The following CYREN variants were observed in gnomAD, a reference collection of about 807,000 sequenced individuals.
The protein encoded by CYREN is cell cycle regulator of NHEJ.
In CYREN, 7 loss-of-function variants were observed where a neutral mutation model predicts 9.7. That is an observed-to-expected ratio of 0.72 (90% CI 0.41 to 1.36). The LOEUF is 1.36. CYREN is among the 40% of genes most tolerant of loss of function. CYREN has a pLI of 0.01. For missense variants in CYREN, 215 were observed against 198.1 expected, an observed-to-expected ratio of 1.09 and a Z score of -0.51; for synonymous variants, 76 against 77.9, an observed-to-expected ratio of 0.98 and a Z score of 0.13.
rs566300687 is a variant in CYREN at position 135,128,955 on chromosome 7, A to G, written n.357-34373T>C. 3.8e-6 allele frequency: 6 copies of G among 1,574,748 alleles called. No individual in the cohort carries two copies. In the Admixed American group the frequency reaches 5.0e-5, roughly 13 times the overall value. On this transcript the variant is annotated intron_variant and non_coding_transcript_variant, in intron 2 of 2. Transcript: ENST00000459937. ...TATCTGTTTCTGTAAGAAGCTGGGT[A>G]GTGAATGCATGTACTTCTTGGAGTG...
At chr7:135,125,413 C>CA (rs944038632) in intron 2 of CYREN, among the ~76,000 whole-genome samples, 24 of 151,502 alleles carry the variant, frequency 1.6e-4, no homozygotes, top group African/African-American at 5.1e-4. Flanking sequence ...GCCTACCAAG[C>CA]AAAAAAAAGC....
At chr7:135,135,374 C>T (rs899585620) in intron 2 of CYREN, 2 of 869,570 alleles carry the variant, frequency 2.3e-6, no homozygotes, top group African/African-American at 1.7e-5. Context: ...TCCCCTTACA[C>T]ATGCATATGC....
chr7:135,136,981 T>C (rs1829360050), intron 2 of CYREN, among the ~76,000 whole-genome samples: 1 of 152,048 alleles, frequency 6.6e-6, no homozygotes, highest in South Asian at 2.1e-4. Context: ...TACTTTCAGT[T>C]TTCTGAGCAT....
chr7:135,170,423 G>A (rs1324503546), intron 1 of CYREN: 1 of 152,344 alleles, frequency 6.6e-6, no homozygotes, highest in African/African-American at 2.4e-5. Flanking sequence ...GAGGGCGGGT[G>A]AGTGCGGAGC....
chr7:135,122,116 C>G (rs1336263342), intron 2 of CYREN, among the ~76,000 whole-genome samples: 1 of 152,196 alleles, frequency 6.6e-6, no homozygotes, highest in Non-Finnish European at 1.5e-5. Context: ...CTGGGACTCA[C>G]AACTGCCTAA....
chr7:135,121,274 A>T (rs1281831392), intron 2 of CYREN, among the ~76,000 whole-genome samples: 3 of 152,226 alleles, frequency 2.0e-5, no homozygotes, highest in Non-Finnish European at 4.4e-5. Context: ...CAGAAAGGAG[A>T]AATAGACAAA....
intron 2 of CYREN, among the ~76,000 whole-genome samples, chr7:135,116,649 C>G (rs1229005932): frequency 6.6e-6 from 1 of 152,122 alleles, no homozygotes; most frequent in Non-Finnish European, 1.5e-5. Context: ...AAAGTTCTGG[C>G]TTCTATTTGT....
intron 3 of CYREN, chr7:135,167,226 C>T (rs1368002199): frequency 2.7e-6 from 3 of 1,117,046 alleles, no homozygotes; most frequent in Non-Finnish European, 3.3e-6. Flanking sequence ...AGGAAAAGTC[C>T]CACACCACAG....
chr7:135,114,259 T>C (rs1396302950), intron 2 of CYREN, among the ~76,000 whole-genome samples: 4 of 152,202 alleles, frequency 2.6e-5, no homozygotes, highest in African/African-American at 9.6e-5. Context: ...TTTTAATTAT[T>C]GAGGAACCAT....
rs748416839 is a variant in CYREN, at chr7:135,115,355, A to G, written n.357-20773T>C. The G allele has an allele frequency of 3.6e-6, 5 of 1,404,612 alleles. No individual in the cohort carries two copies. In the South Asian group the frequency reaches 5.0e-5, roughly 14 times the overall value. 87.0% of individuals were successfully genotyped at this position (1,404,612 alleles called of 1,614,324 possible). A position where few individuals can be genotyped will look rare whatever the true frequency, so the allele number is the denominator to read the frequency against. Reference sequence around the variant, plus strand: ...TTGTGAATAGAGTTCATATCTCTGTACATATTTTTGTGGTTGCTCCCCAGA... The same window carrying G: ...TTGTGAATAGAGTTCATATCTCTGTGCATATTTTTGTGGTTGCTCCCCAGA... On this transcript the variant is annotated intron_variant and non_coding_transcript_variant, in intron 2 of 2. Coordinates refer to the CYREN transcript ENST00000459937.
chr7:135,125,373 C>G (rs1827733607), intron 2 of CYREN, among the ~76,000 whole-genome samples: 1 of 152,010 alleles, frequency 6.6e-6, no homozygotes, highest in Non-Finnish European at 1.5e-5. Context: ...AGACCAATAG[C>G]AAGTTCTGAA....
intron 2 of CYREN, among the ~76,000 whole-genome samples, chr7:135,127,543 C>A (rs1224149314): frequency 1.2e-5 from 1 of 82,896 alleles, no homozygotes; most frequent in African/African-American, 4.2e-5. Context: ...CAGAGCAAGT[C>A]TCCGTCTAAA....
chr7:135,124,302 G>A (rs1827557683), intron 2 of CYREN, among the ~76,000 whole-genome samples: 1 of 151,672 alleles, frequency 6.6e-6, no homozygotes, highest in Non-Finnish European at 1.5e-5. Flanking sequence ...AGACAAAGAA[G>A]GGTATTACAT....
intron 2 of CYREN, among the ~76,000 whole-genome samples, chr7:135,147,341 T>C (rs1829566543): frequency 6.6e-6 from 1 of 152,010 alleles, no homozygotes. Context: ...TTCAAATAAC[T>C]CCTCCTTTGG....
In CYREN at chr7:135,166,867, C is replaced by A. The variant is rs774449769; in HGVS notation, c.218G>T (p.Arg73Leu). The A allele has an allele frequency of 2.5e-6, 4 of 1,612,976 alleles. No homozygotes were observed. Among genetic ancestry groups the A allele is most frequent in the South Asian group, 2.2e-5 (2 of 91,046 alleles). Residue 73 changes from arginine to leucine, a missense_variant, in exon 4 of 4, where the codon CGC (arginine) becomes CTC (leucine). Coordinates refer to ENST00000393114, the MANE Select transcript of CYREN (RefSeq NM_024033.4). ...DVALGILIES[R>L]KQEKACEQPA... ...CTGCTCGCAGGCCTTTTCCTGTTTG[C>A]GGCTCTGTGGAGTACGGGAAAACGC...
At chr7:135,101,102 C>T in intron 2 of CYREN, 1 of 448,420 alleles carries the variant, frequency 2.2e-6, no homozygotes, top group South Asian at 1.6e-5. Context: ...GACTCAGAGT[C>T]ATAGCAAAGA....
intron 2 of CYREN, among the ~76,000 whole-genome samples, chr7:135,111,817 C>G (rs1487380294): frequency 1.3e-5 from 2 of 152,028 alleles, no homozygotes; most frequent in East Asian, 3.9e-4. Context: ...TATTTCTGAG[C>G]ACTCTCATCT....
intron 2 of CYREN, among the ~76,000 whole-genome samples, chr7:135,097,512 A>T (rs1428270945): frequency 1.3e-5 from 2 of 152,186 alleles, no homozygotes; most frequent in Non-Finnish European, 2.9e-5. Flanking sequence ...ATTGGCAATG[A>T]AAATGTAAAT....
At chr7:135,154,097 T>C (rs888347660) in intron 2 of CYREN, among the ~76,000 whole-genome samples, 1 of 152,192 alleles carries the variant, frequency 6.6e-6, no homozygotes, top group Non-Finnish European at 1.5e-5. Flanking sequence ...CTATTTCCTC[T>C]AGTTTTTCTA....
Sources: gnomAD v4.1 joint callset for allele counts (sites outside exome capture counted in the v4.1 genomes callset) on GRCh38, gnomAD v4.1.1 for gene constraint, MANE v1.5 for transcripts, NCBI Gene and HGNC (gene_info 2026-07-23, HGNC 2026-07-21) for gene names.